P2RX3: variants seen among roughly 807,000 people sequenced by gnomAD.
P2RX3 encodes the protein purinergic receptor P2X 3.
A neutral mutation model predicts 51.5 loss-of-function variants in P2RX3; 41 were observed. That is an observed-to-expected ratio of 0.80 (90% CI 0.62 to 1.03). P2RX3 has a LOEUF of 1.03. Among genes scored for constraint, P2RX3 ranks in the 50% least tolerant of loss-of-function variants. P2RX3 has a pLI of 0.00. For synonymous variants in P2RX3, 185 were observed against 191.6 expected, an observed-to-expected ratio of 0.97 and a Z score of 0.29; for missense variants, 459 against 522.1, an observed-to-expected ratio of 0.88 and a Z score of 1.18.
chr11:57,347,117 G>T lies in P2RX3; in HGVS notation c.257G>T (p.Gly86Val). ...TCTCTCCCTTCTTCTCCTCCCAAGG[G>T]CACCTCGGTCTTTGTCATCATCACC... The part of the protein sequence containing the change: ...DVSDYVTPPQ[G>V]TSVFVIITKM... The change falls in exon 3 of 12, where the codon GGC becomes GTC. Residue 86 changes from glycine to valine, a missense_variant and splice_region_variant. Gly to Val is a moderately radical substitution (Grantham distance 109, BLOSUM62 -3). Transcript: ENST00000263314. 1 of 1,613,522 alleles carries T rather than the reference G, an allele frequency of 6.2e-7. No individual in the cohort carries two copies. The highest frequency in any genetic ancestry group is 1.1e-5 in the South Asian group (1 of 90,850).
intron 1 of P2RX3, 64 bp from the exon 2 acceptor site, chr11:57,346,480 C>A: frequency 6.3e-7 from 1 of 1,579,912 alleles, no homozygotes; most frequent in East Asian, 2.2e-5. Context: ...TGACCTCTCC[C>A]AGCTTCTGTC....
chr11:57,349,188 C>T (rs1313295530), intron 6 of P2RX3, among the ~76,000 whole-genome samples: 1 of 151,802 alleles, frequency 6.6e-6, no homozygotes, highest in Non-Finnish European at 1.5e-5. Flanking sequence ...CTAGGCCAGG[C>T]GCAGTGACAA....
At chr11:57,357,507 C>T (rs1009329638) in intron 8 of P2RX3, among the ~76,000 whole-genome samples, 1 of 152,140 alleles carries the variant, frequency 6.6e-6, no homozygotes, top group African/African-American at 2.4e-5. Flanking sequence ...GCCCATTCTA[C>T]AGATGAGGAA....
At chr11:57,337,338 G>GAAGAAAGGA (rs1856248812), upstream of P2RX3, among the ~76,000 whole-genome samples, 1 of 28,714 alleles carries the variant, frequency 3.5e-5, no homozygotes, top group Non-Finnish European at 7.3e-5. Context: ...AAAAGGAAGG[G>GAAGAAAGGA]AAGGAAAGAA....
chr11:57,365,944 T>C (rs1000801175), intron 8 of P2RX3, among the ~76,000 whole-genome samples: 1 of 152,214 alleles, frequency 6.6e-6, no homozygotes, highest in African/African-American at 2.4e-5. Flanking sequence ...CGTCAATCAC[T>C]GAACACTTTC....
rs775098099 is a variant in P2RX3 at position 57,370,031 on chromosome 11, T to C, written c.*34T>C. 1.4e-6 allele frequency: 2 copies of C among 1,475,834 alleles called. No homozygotes were observed. The highest frequency in any genetic ancestry group is 3.4e-5 in the Admixed American group (2 of 58,336). 91.4% of individuals were successfully genotyped at this position (1,475,834 alleles called of 1,614,324 possible). A position where few individuals can be genotyped will look rare whatever the true frequency, so the allele number is the denominator to read the frequency against. On this transcript the variant is annotated 3_prime_UTR_variant, in exon 12 of 12. Transcript: ENST00000263314. ...TCCAGGGCCCCACACTCACAAAGGC[T>C]CCAGGCCTCCCCACAGAGGACCCTG...
At chr11:57,357,859 G>A (rs562425256) in intron 8 of P2RX3, among the ~76,000 whole-genome samples, 2 of 152,252 alleles carry the variant, frequency 1.3e-5, no homozygotes, top group East Asian at 3.9e-4. Flanking sequence ...TATTTCAGCT[G>A]GCAAAATTAC....
chr11:57,338,575 A>C lies in P2RX3; in HGVS notation c.25A>C (p.Thr9Pro). The C allele has an allele frequency of 6.3e-7, 1 of 1,590,016 alleles. No individual in the cohort carries two copies. The highest frequency in any genetic ancestry group is 8.6e-7 in the Non-Finnish European group (1 of 1,160,486). ...CATGAACTGCATATCCGACTTCTTCACCTATGAGACCACCAAGTCGGTGGT... is the reference window on the plus strand; with the variant it reads ...CATGAACTGCATATCCGACTTCTTCCCCTATGAGACCACCAAGTCGGTGGT... MNCISDFF[T>P]YETTKSVVVK... The change falls in exon 1 of 12, where the codon ACC becomes CCC. Residue 9 changes from threonine (T) to proline (P), a missense_variant. Coordinates refer to ENST00000263314, the MANE Select transcript of P2RX3 (RefSeq NM_002559.5).
At chr11:57,344,528 G>A (rs58587506) in intron 1 of P2RX3, among the ~76,000 whole-genome samples, 2,655 of 152,116 alleles carry the variant, frequency 0.017, 84 homozygotes, top group African/African-American at 0.061. Context: ...GGAAAACCCC[G>A]TCTCTACTAA....
At chr11:57,345,647 C>A (rs1401348714) in intron 1 of P2RX3, among the ~76,000 whole-genome samples, 1 of 152,106 alleles carries the variant, frequency 6.6e-6, no homozygotes, top group Non-Finnish European at 1.5e-5. Flanking sequence ...GAAAGGCAGG[C>A]ACTTTATAGG....
In P2RX3 at chr11:57,349,685, A is replaced by G. The variant is rs561684316; in HGVS notation, c.564-72A>G. 2.3e-5 allele frequency: 37 copies of G among 1,592,868 alleles called. No homozygotes were observed. In the East Asian group the frequency reaches 8.1e-4, roughly 35 times the overall value. On this transcript the variant is annotated intron_variant, in intron 6 of 11. Coordinates refer to ENST00000263314, the MANE Select transcript of P2RX3 (RefSeq NM_002559.5). ...ATCCCCCCTAGGCCTGGGCTCCGGAAGGCGGGGAGAGATTGCACAAGACGA... is the reference window on the plus strand; with the variant it reads ...ATCCCCCCTAGGCCTGGGCTCCGGAGGGCGGGGAGAGATTGCACAAGACGA...
intron 1 of P2RX3, among the ~76,000 whole-genome samples, chr11:57,344,703 TA>T (rs1234304871): frequency 8.6e-5 from 13 of 151,860 alleles, no homozygotes; most frequent in African/African-American, 2.7e-4. Context: ...ATAATAATAA[TA>T]AATAGTATTT....
intron 6 of P2RX3, 76 bp from the exon 7 acceptor site, chr11:57,349,681 C>CGGAA (rs1856507276): frequency 1.4e-5 from 23 of 1,587,104 alleles, no homozygotes; most frequent in Non-Finnish European, 2.0e-5. Context: ...GCCTGGGCTC[C>CGGAA]GGAAGGCGGG....
intron 1 of P2RX3, 51 bp downstream of exon 1, chr11:57,338,720 C>G (rs752533607): frequency 2.4e-6 from 3 of 1,240,664 alleles, no homozygotes; most frequent in Non-Finnish European, 3.5e-6. Flanking sequence ...CCTGGTATCC[C>G]GTCTTCACCC....
chr11:57,363,413 G>C, intron 8 of P2RX3, among the ~76,000 whole-genome samples: 1 of 152,106 alleles, frequency 6.6e-6, no homozygotes, highest in Non-Finnish European at 1.5e-5. Flanking sequence ...GTGGGGGTGG[G>C]GAGCGCCATG....
intron 5 of P2RX3, 31 bp from the exon 6 acceptor site, chr11:57,348,596 G>A: frequency 6.3e-7 from 1 of 1,587,162 alleles, no homozygotes; most frequent in Non-Finnish European, 8.6e-7. Context: ...CTTCTTCCTG[G>A]AAAGCTAAGG....
chr11:57,358,381 T>C (rs1856663282), intron 8 of P2RX3, among the ~76,000 whole-genome samples: 1 of 152,196 alleles, frequency 6.6e-6, no homozygotes, highest in African/African-American at 2.4e-5. Context: ...ACAAGACCAG[T>C]TCCTAGAATC....
chr11:57,372,074 G>C lies in P2RX3; in HGVS notation c.*2077G>C, dbSNP rs893236151. ...CAGTAGTGATAAAAACAGCTACCTT[G>C]TCTCTGTTGCATTATGGTTTACTCA... On this transcript the variant is annotated 3_prime_UTR_variant, in exon 12 of 12. Transcript: ENST00000263314. Among the ~76,000 whole-genome samples, 5 of 152,232 alleles carry C rather than the reference G, an allele frequency of 3.3e-5. No individual in the cohort carries two copies. The highest frequency in any genetic ancestry group is 7.3e-5 in the Non-Finnish European group (5 of 68,044).
intron 8 of P2RX3, among the ~76,000 whole-genome samples, chr11:57,359,789 C>G (rs1324976612): frequency 6.6e-6 from 1 of 152,190 alleles, no homozygotes; most frequent in African/African-American, 2.4e-5. Flanking sequence ...AGCTGTGCCC[C>G]TTGCAGGCAG....
Sources: allele counts gnomAD v4.1 joint callset (sites outside exome capture counted in the v4.1 genomes callset), GRCh38; gene constraint gnomAD v4.1.1; transcripts MANE v1.5; gene names NCBI Gene and HGNC (gene_info 2026-07-23, HGNC 2026-07-21).